The following ZFAND3 variants were observed in gnomAD, a reference collection of about 807,000 sequenced individuals.
The protein encoded by ZFAND3 is zinc finger AN1-type containing 3.
ZFAND3 carries 10 observed loss-of-function variants against 29.6 expected under a neutral mutation model. That is an observed-to-expected ratio of 0.34 (90% confidence interval 0.21 to 0.57). ZFAND3 has a LOEUF of 0.57. ZFAND3 is among the 20% of genes least tolerant of loss of function. The pLI is 0.86. For synonymous variants in ZFAND3, 128 were observed against 112.6 expected (o/e 1.14, Z -0.87); for missense variants, 230 against 304.5 (o/e 0.76, Z 1.82).
chr6:38,051,741 T>G (rs1764031498), intron 2 of ZFAND3, among the ~76,000 whole-genome samples: 1 of 152,260 alleles, frequency 6.6e-6, no homozygotes. Flanking sequence ...AGAACTAGAT[T>G]AATGCCACAA....
chr6:38,138,188 A>G (rs1765879497), intron 5 of ZFAND3, among the ~76,000 whole-genome samples: 1 of 152,060 alleles, frequency 6.6e-6, no homozygotes, highest in Non-Finnish European at 1.5e-5. Flanking sequence ...TTTCTCTGGG[A>G]GAGAAACACA....
Position 38,061,728 on chromosome 6 carries a change from A to T in ZFAND3, c.248A>T (p.Gln83Leu). The T allele has an allele frequency of 6.2e-7, 1 of 1,614,200 alleles. No homozygotes were observed. Among genetic ancestry groups the T allele is most frequent in the Non-Finnish European group, 8.5e-7 (1 of 1,180,026 alleles). Residue 83 changes from glutamine (Q) to leucine (L), a missense_variant, in exon 3 of 6, where the codon CAG (glutamine) becomes CTG (leucine). Gln to Leu is a moderately radical substitution (Grantham distance 113). Coordinates refer to ENST00000287218, the MANE Select transcript of ZFAND3 (RefSeq NM_021943.3). ...ITTPTLSPSQ[Q>L]PLPTELNVTS... ...ACGCCAACTCTTAGTCCCAGCCAGC[A>T]GCCGCTTCCGACAGAACTGAATGTA...
intron 1 of ZFAND3, among the ~76,000 whole-genome samples, chr6:37,889,071 A>G (rs1164403912): frequency 2.6e-5 from 4 of 152,150 alleles, no homozygotes. Context: ...AGAAGTCTGG[A>G]TTTGGTGGTT....
intron 5 of ZFAND3, among the ~76,000 whole-genome samples, chr6:38,123,254 G>A (rs12194618): frequency 0.29 from 44,734 of 152,062 alleles, 7,317 homozygotes; most frequent in Non-Finnish European, 0.38. Flanking sequence ...AGTGATATCC[G>A]TAAGGTCTAG....
chr6:37,916,045 A>G (rs963222743), intron 1 of ZFAND3, among the ~76,000 whole-genome samples: 12 of 151,378 alleles, frequency 7.9e-5, no homozygotes, highest in African/African-American at 2.9e-4. Flanking sequence ...CTGGGATTAC[A>G]GGCATGAGCC....
At chr6:38,058,720 T>G (rs957673695) in intron 2 of ZFAND3, among the ~76,000 whole-genome samples, 2 of 152,244 alleles carry the variant, frequency 1.3e-5, no homozygotes, top group African/African-American at 4.8e-5. Context: ...TGTTGTCAAA[T>G]GGACCTGTCC....
At chr6:37,949,880 C>G (rs1191142899) in intron 2 of ZFAND3, among the ~76,000 whole-genome samples, 1 of 152,056 alleles carries the variant, frequency 6.6e-6, no homozygotes, top group African/African-American at 2.4e-5. Flanking sequence ...TTACTGAACC[C>G]TCTCTTCTTG....
intron 1 of ZFAND3, among the ~76,000 whole-genome samples, chr6:37,915,971 G>A (rs1043092455): frequency 6.6e-5 from 10 of 151,694 alleles, no homozygotes; most frequent in African/African-American, 2.4e-4. Context: ...GTTTCACCAT[G>A]TTGGTCAGGC....
chr6:38,038,137 A>C (rs1763694042), intron 2 of ZFAND3, among the ~76,000 whole-genome samples: 1 of 152,182 alleles, frequency 6.6e-6, no homozygotes, highest in African/African-American at 2.4e-5. Flanking sequence ...AGGATTAATC[A>C]GCTGGCCCGA....
chr6:38,092,150 A>C (rs1481480452), intron 4 of ZFAND3, among the ~76,000 whole-genome samples: 1 of 152,192 alleles, frequency 6.6e-6, no homozygotes, highest in Admixed American at 6.5e-5. Context: ...TGGCCGATTA[A>C]AGTTGTAATC....
At chr6:37,963,460 T>G (rs1762235666) in intron 2 of ZFAND3, among the ~76,000 whole-genome samples, 1 of 151,854 alleles carries the variant, frequency 6.6e-6, no homozygotes, top group African/African-American at 2.4e-5. Context: ...AACCCAAAAT[T>G]AGTAGAAGAA....
At position 37,819,817 on chromosome 6, in the gene ZFAND3, C is replaced by A. The variant is rs1179640856; in HGVS notation, c.-129C>A. 6.9e-6 allele frequency: 4 copies of A among 579,014 alleles called. No homozygotes were observed. The highest frequency in any genetic ancestry group is 7.1e-4 in the Middle Eastern group (1 of 1,406). 35.9% of individuals were successfully genotyped at this position (579,014 alleles called of 1,614,324 possible). On this transcript the variant is annotated 5_prime_UTR_variant, in exon 1 of 6. Coordinates refer to ENST00000287218, the MANE Select transcript of ZFAND3 (RefSeq NM_021943.3). The stretch of plus-strand genomic sequence containing the variant: ...CGAGCCCCGGACTCGCGCCCGCCCG[C>A]GCGCCCGCTCCTTCCCCCTCCCCCC...
intron 2 of ZFAND3, among the ~76,000 whole-genome samples, chr6:37,968,030 C>T (rs572199045): frequency 1.3e-5 from 2 of 152,138 alleles, no homozygotes; most frequent in Admixed American, 6.5e-5. Context: ...AGAGCACCAA[C>T]TAGAATATCT....
At chr6:37,974,776 C>G (rs1762452384) in intron 2 of ZFAND3, among the ~76,000 whole-genome samples, 1 of 152,120 alleles carries the variant, frequency 6.6e-6, no homozygotes. Context: ...ATCAATAGTT[C>G]ATTCTTTTCT....
intron 2 of ZFAND3, among the ~76,000 whole-genome samples, chr6:37,932,998 A>T (rs1005444284): frequency 6.6e-6 from 1 of 152,230 alleles, no homozygotes; most frequent in Admixed American, 6.5e-5. Context: ...AAGAAAAGAG[A>T]TCATTGAACT....
chr6:38,107,929 T>TA (rs11423651), intron 4 of ZFAND3, among the ~76,000 whole-genome samples: 19,798 of 142,202 alleles, frequency 0.14, 1,840 homozygotes, highest in African/African-American at 0.28. Flanking sequence ...GAAGGACTGT[T>TA]AAAAAAAAAA....
intron 1 of ZFAND3, among the ~76,000 whole-genome samples, chr6:37,823,325 C>T (rs16890177): frequency 6.6e-6 from 1 of 152,172 alleles, no homozygotes; most frequent in South Asian, 2.1e-4. Context: ...CAGCTTTGCA[C>T]TCCTTGGAAG....
chr6:37,970,369 TAA>T (rs967413394), intron 2 of ZFAND3, among the ~76,000 whole-genome samples: 1 of 152,140 alleles, frequency 6.6e-6, no homozygotes, highest in Admixed American at 6.5e-5. Flanking sequence ...AAGTAAAAAT[TAA>T]AAGTCACAAA....
At chr6:38,078,289 T>C (rs1322139450) in intron 3 of ZFAND3, among the ~76,000 whole-genome samples, 1 of 152,212 alleles carries the variant, frequency 6.6e-6, no homozygotes, top group East Asian at 1.9e-4. Context: ...AAAGGTAGAA[T>C]ATTCACTCTT....
Sources: allele counts gnomAD v4.1 joint callset (sites outside exome capture counted in the v4.1 genomes callset), GRCh38; gene constraint gnomAD v4.1.1; transcripts MANE v1.5; gene names NCBI Gene and HGNC (gene_info 2026-07-23, HGNC 2026-07-21).